The following TMEM87B variants were observed in gnomAD, a reference collection of about 807,000 sequenced individuals.
TMEM87B encodes the protein transmembrane protein 87B.
In TMEM87B, 83 loss-of-function variants were observed where a neutral mutation model predicts 80.3. The ratio of observed to expected loss-of-function variants is 1.03; its 90% confidence interval spans 0.87 to 1.24. TMEM87B has a LOEUF of 1.24. Among genes scored for constraint, TMEM87B ranks in the 50% most tolerant of loss-of-function variants. TMEM87B has a pLI of 0.00. For synonymous variants in TMEM87B, 219 were observed against 230.5 expected (o/e 0.95, Z 0.45); for missense variants, 625 against 674.4 (o/e 0.93, Z 0.81).
chr2:112,091,536 A>G (rs1417038001), intron 10 of TMEM87B, among the ~76,000 whole-genome samples, 176 bp from the exon 11 acceptor site: 7 of 152,258 alleles, frequency 4.6e-5, no homozygotes, highest in African/African-American at 1.7e-4. Context: ...ACTTGTTGCT[A>G]TCAAAAACAG....
At chr2:112,085,751 C>CA (rs1274245377) in intron 8 of TMEM87B, among the ~76,000 whole-genome samples, 3 of 152,280 alleles carry the variant, frequency 2.0e-5, no homozygotes, top group Admixed American at 6.5e-5. Flanking sequence ...CTCAGGGAGA[C>CA]AGTGTTCGGG....
At chr2:112,070,058 G>GAC (rs977205053) in intron 4 of TMEM87B, among the ~76,000 whole-genome samples, 1 of 151,610 alleles carries the variant, frequency 6.6e-6, no homozygotes, top group African/African-American at 2.4e-5. Context: ...GTTCCTTATA[G>GAC]ACACTGGACA....
chr2:112,104,975 G>A (rs1434864822), intron 15 of TMEM87B, among the ~76,000 whole-genome samples: 2 of 152,100 alleles, frequency 1.3e-5, no homozygotes, highest in African/African-American at 2.4e-5. Context: ...CTAAATCAGA[G>A]CAGTGGTTGC....
At chr2:112,091,506 C>T (rs1382232800) in intron 10 of TMEM87B, among the ~76,000 whole-genome samples, 1 of 151,208 alleles carries the variant, frequency 6.6e-6, no homozygotes, top group Non-Finnish European at 1.5e-5. Context: ...TTTTATGTTG[C>T]TATCATCACA....
At chr2:112,067,182 A>G (rs1224084953) in intron 4 of TMEM87B, 115 bp downstream of exon 4, 4 of 1,374,926 alleles carry the variant, frequency 2.9e-6, no homozygotes, top group Non-Finnish European at 2.0e-6. Context: ...TTGCCATGTT[A>G]AAATAAAGTT....
Position 112,112,999 on chromosome 2 carries a change from A to C in TMEM87B, c.1608+70A>C. On this transcript the variant is annotated intron_variant, in intron 18 of 18. Coordinates refer to ENST00000283206, the MANE Select transcript of TMEM87B (RefSeq NM_032824.3). Reference sequence around the variant, plus strand: ...AAAGTAGAGATGTATTTCAGAAAGAAGTTCTGAAAGCTACTTTTTAAGATT... The same window carrying C: ...AAAGTAGAGATGTATTTCAGAAAGACGTTCTGAAAGCTACTTTTTAAGATT... The C allele has an allele frequency of 3.6e-6, 5 of 1,379,138 alleles. No homozygotes were observed. In the South Asian group the frequency reaches 4.9e-5, roughly 14 times the overall value. 85.4% of individuals were successfully genotyped at this position (1,379,138 alleles called of 1,614,324 possible). A position where few individuals can be genotyped will look rare whatever the true frequency, so the allele number is the denominator to read the frequency against.
chr2:112,109,289 T>C (rs1679850062), intron 17 of TMEM87B, among the ~76,000 whole-genome samples: 1 of 152,230 alleles, frequency 6.6e-6, no homozygotes, highest in African/African-American at 2.4e-5. Flanking sequence ...ATTTCCCATG[T>C]ATTTACTTTT....
chr2:112,076,350 GT>G (rs1678813852), intron 5 of TMEM87B, among the ~76,000 whole-genome samples: 1 of 151,586 alleles, frequency 6.6e-6, no homozygotes, highest in Non-Finnish European at 1.5e-5. Flanking sequence ...GAAAAAAGAG[GT>G]TTTTTTGAGA....
intron 14 of TMEM87B, 120 bp from the exon 15 acceptor site, chr2:112,100,502 T>C: frequency 1.7e-6 from 1 of 592,412 alleles, no homozygotes; most frequent in South Asian, 2.3e-5. Flanking sequence ...ACGTTTTCAT[T>C]ATTTTAAAGT....
chr2:112,100,724 C>T (rs766510510), intron 15 of TMEM87B, 29 bp downstream of exon 15: 1 of 1,403,828 alleles, frequency 7.1e-7, no homozygotes, highest in Middle Eastern at 1.8e-4. Flanking sequence ...TTTTAAATGA[C>T]CATTGTACAT....
chr2:112,095,658 T>C (rs1199302104), intron 11 of TMEM87B, among the ~76,000 whole-genome samples: 2 of 152,214 alleles, frequency 1.3e-5, no homozygotes, highest in African/African-American at 4.8e-5. Flanking sequence ...AATTGATCTT[T>C]TGTAATTTGT....
intron 4 of TMEM87B, among the ~76,000 whole-genome samples, chr2:112,067,801 C>G (rs1240873938): frequency 1.3e-5 from 2 of 152,232 alleles, no homozygotes; most frequent in African/African-American, 4.8e-5. Flanking sequence ...GTTGTTAAAT[C>G]CAATGGTCTG....
chr2:112,055,286 A>AGGCCCTGAGCCCAGCCTCCACGTCTC lies in TMEM87B; in HGVS notation c.-304_-279dup. The stretch of plus-strand genomic sequence containing the variant: ...CCTCTTCTATCTTCACGCCCACGCT[A>AGGCCCTGAGCCCAGCCTCCACGTCTC]GGCCCTGAGCCCAGCCTCCACGTCT... On this transcript the variant is annotated 5_prime_UTR_variant, in exon 1 of 19. Coordinates refer to ENST00000283206, the MANE Select transcript of TMEM87B (RefSeq NM_032824.3). 1 of 405,438 alleles carries AGGCCCTGAGCCCAGCCTCCACGTCTC rather than the reference A, an allele frequency of 2.5e-6. No homozygotes were observed. The allele number at this position is 405,438 out of a possible 1,614,324, so 25.1% of individuals were successfully genotyped here. A position where few individuals can be genotyped will look rare whatever the true frequency, so the allele number is the denominator to read the frequency against.
At position 112,087,830 on chromosome 2, in the gene TMEM87B, C is replaced by G. The variant is rs566173409; in HGVS notation, c.938+1726C>G. Among the ~76,000 whole-genome samples the G allele has an allele frequency of 7.4e-4, 112 of 152,290 alleles. 3 individuals are homozygous for G. The highest frequency in any genetic ancestry group is 6.2e-4 in the South Asian group (3 of 4,826). The stretch of plus-strand genomic sequence containing the variant: ...CCAGTATTGCTCTATTGAGACTGCT[C>G]TTGTCAAGGCCACCATGACCTCACC... On this transcript the variant is annotated intron_variant, in intron 9 of 18. Coordinates refer to ENST00000283206, the MANE Select transcript of TMEM87B (RefSeq NM_032824.3).
At chr2:112,065,357 A>G (rs114788995) in intron 3 of TMEM87B, among the ~76,000 whole-genome samples, 1,909 of 152,234 alleles carry the variant, frequency 0.013, 48 homozygotes, top group African/African-American at 0.044. Flanking sequence ...CCTTATTAAA[A>G]TTTTGCAACT....
At chr2:112,076,679 A>G (rs1195695451) in intron 5 of TMEM87B, among the ~76,000 whole-genome samples, 1 of 152,170 alleles carries the variant, frequency 6.6e-6, no homozygotes, top group Non-Finnish European at 1.5e-5. Context: ...AACAATTTAT[A>G]GATTGGTAAT....
At chr2:112,071,253 G>A (rs1678621747) in intron 4 of TMEM87B, among the ~76,000 whole-genome samples, 1 of 151,878 alleles carries the variant, frequency 6.6e-6, no homozygotes, top group South Asian at 2.1e-4. Context: ...TTCATGATTT[G>A]GCTCTTGGCT....
intron 15 of TMEM87B, among the ~76,000 whole-genome samples, chr2:112,102,255 G>A (rs892348869): frequency 3.3e-5 from 5 of 151,812 alleles, no homozygotes; most frequent in Non-Finnish European, 1.5e-5. Flanking sequence ...TTAATGAGTG[G>A]GCATACAAAA....
chr2:112,058,132 C>T (rs960636129), intron 1 of TMEM87B, among the ~76,000 whole-genome samples: 1 of 152,210 alleles, frequency 6.6e-6, no homozygotes, highest in Non-Finnish European at 1.5e-5. Context: ...CGGCCTCAGT[C>T]TTAAAAGATG....
Sources: allele counts gnomAD v4.1 joint callset (sites outside exome capture counted in the v4.1 genomes callset), GRCh38; gene constraint gnomAD v4.1.1; transcripts MANE v1.5; gene names NCBI Gene and HGNC (gene_info 2026-07-23, HGNC 2026-07-21).